The following CEP70 variants were observed in gnomAD, a reference collection of about 807,000 sequenced individuals.
The protein encoded by CEP70 is centrosomal protein 70, also known as centrosomal protein of 70 kDa.
In CEP70, 70 loss-of-function variants were observed where a neutral mutation model predicts 90.9. The ratio of observed to expected loss-of-function variants is 0.77; its 90% CI spans 0.64 to 0.94. The LOEUF (loss-of-function observed/expected upper bound fraction) is 0.94. Ranked by LOEUF, CEP70 falls within the 40% of genes least tolerant of loss-of-function variation. CEP70 has a pLI of 0.00. For missense variants in CEP70, 648 were observed against 669.0 expected, an observed-to-expected ratio of 0.97 and a Z score of 0.35; for synonymous variants, 220 against 228.3, an observed-to-expected ratio of 0.96 and a Z score of 0.33.
At chr3:138,592,441 A>G (rs1016649066) in intron 1 of CEP70, among the ~76,000 whole-genome samples, 2 of 152,174 alleles carry the variant, frequency 1.3e-5, no homozygotes, top group Non-Finnish European at 2.9e-5. Context: ...GTGACAGGAC[A>G]AAGGTCTGGA....
chr3:138,577,127 T>C (rs980003581), intron 2 of CEP70, among the ~76,000 whole-genome samples: 2 of 151,816 alleles, frequency 1.3e-5, no homozygotes, highest in Non-Finnish European at 2.9e-5. Context: ...TTCTCACTCA[T>C]AGGTGGGAAC....
intron 12 of CEP70, among the ~76,000 whole-genome samples, chr3:138,506,857 T>G (rs974123155): frequency 2.6e-5 from 4 of 152,120 alleles, no homozygotes; most frequent in African/African-American, 7.2e-5. Flanking sequence ...TCTTCCCATG[T>G]CAACCTCTCA....
At chr3:138,515,771 G>A (rs2108757038) in intron 11 of CEP70, among the ~76,000 whole-genome samples, 1 of 152,276 alleles carries the variant, frequency 6.6e-6, no homozygotes, top group East Asian at 1.9e-4. Context: ...ACGTGTGTGT[G>A]TGCATGTTAT....
At chr3:138,564,547 G>C (rs888404123) in intron 6 of CEP70, among the ~76,000 whole-genome samples, 1 of 152,160 alleles carries the variant, frequency 6.6e-6, no homozygotes, top group Non-Finnish European at 1.5e-5. Context: ...TTTGACACAT[G>C]CAAATCAATA....
At chr3:138,543,979 A>C (rs1003668635) in intron 6 of CEP70, among the ~76,000 whole-genome samples, 1 of 150,934 alleles carries the variant, frequency 6.6e-6, no homozygotes, top group South Asian at 2.1e-4. Flanking sequence ...TTTGTGATCA[A>C]GGCAAGATAT....
intron 2 of CEP70, among the ~76,000 whole-genome samples, chr3:138,575,734 C>T (rs1433952032): frequency 6.6e-6 from 1 of 152,210 alleles, no homozygotes; most frequent in East Asian, 1.9e-4. Context: ...GGAAGCCCAT[C>T]AGACTAACAG....
rs377226993 is a variant in CEP70, at chr3:138,515,059, CAAG to C, written c.945-6518_945-6516del. Among the ~76,000 whole-genome samples the C allele has an allele frequency of 5.2e-3, 788 of 151,998 alleles. 5 individuals are homozygous for C. Among genetic ancestry groups the C allele is most frequent in the African/African-American group, 0.017 (695 of 41,476 alleles). ...AGACCGGAGCCCAAATAAACAACAACAAGAACAATATATATATGCAATCAATTC... is the reference window on the plus strand; with the variant it reads ...AGACCGGAGCCCAAATAAACAACAACAACAATATATATATGCAATCAATTC... On this transcript the variant is annotated intron_variant, in intron 11 of 17. Coordinates refer to ENST00000264982, the MANE Select transcript of CEP70 (RefSeq NM_024491.4).
At chr3:138,527,673 C>T (rs960454975) in intron 10 of CEP70, among the ~76,000 whole-genome samples, 22 of 140,160 alleles carry the variant, frequency 1.6e-4, no homozygotes, top group Non-Finnish European at 2.9e-4. Context: ...CCAGCCTGGG[C>T]GACAGAGCAA....
intron 2 of CEP70, 87 bp downstream of exon 2, chr3:138,591,767 T>C: frequency 9.5e-7 from 1 of 1,057,078 alleles, no homozygotes; most frequent in Non-Finnish European, 1.4e-6. Context: ...GAAATATATG[T>C]AATGAACCTA....
chr3:138,571,430 T>C (rs757975792), intron 3 of CEP70, 74 bp from the exon 4 acceptor site: 3 of 1,032,546 alleles, frequency 2.9e-6, no homozygotes, highest in Non-Finnish European at 2.9e-6. Flanking sequence ...TATAATTTCC[T>C]GCATTTTCAG....
At chr3:138,555,282 G>A (rs2039926800) in intron 6 of CEP70, among the ~76,000 whole-genome samples, 1 of 148,784 alleles carries the variant, frequency 6.7e-6, no homozygotes, top group African/African-American at 2.5e-5. Flanking sequence ...GATGGATCAA[G>A]GACTTAAATG....
chr3:138,527,010 A>T (rs2108824819), intron 10 of CEP70, among the ~76,000 whole-genome samples: 1 of 101,148 alleles, frequency 9.9e-6, no homozygotes, highest in Non-Finnish European at 1.9e-5. Flanking sequence ...AAGACGATAG[A>T]CAAAAAAAGA....
chr3:138,539,296 G>A (rs758614584), intron 6 of CEP70, among the ~76,000 whole-genome samples: 83 of 152,268 alleles, frequency 5.5e-4, no homozygotes, highest in Admixed American at 3.1e-3. Context: ...TTACAGGTGT[G>A]AGCCACCATG....
chr3:138,569,643 G>A lies in CEP70; in HGVS notation c.465+675C>T, dbSNP rs752310589. 3.9e-5 allele frequency among the ~76,000 whole-genome samples: 6 copies of A among 152,142 alleles called. 1 individual carries two copies. In the South Asian group the frequency reaches 6.2e-4, roughly 16 times the overall value. The stretch of plus-strand genomic sequence containing the variant: ...AGCACTTTGGGAGGCCGAGGCAGGC[G>A]GATCACTTGAGCTCAGGAGTTTGAG... On this transcript the variant is annotated intron_variant, in intron 6 of 17. Coordinates refer to ENST00000264982, the MANE Select transcript of CEP70 (RefSeq NM_024491.4).
chr3:138,577,556 G>A (rs1411130464), intron 2 of CEP70, among the ~76,000 whole-genome samples: 1 of 152,142 alleles, frequency 6.6e-6, no homozygotes, highest in African/African-American at 2.4e-5. Flanking sequence ...GCTGAGACAG[G>A]AGAATCACTT....
At chr3:138,574,128 C>T (rs1198366055) in intron 2 of CEP70, among the ~76,000 whole-genome samples, 1 of 152,146 alleles carries the variant, frequency 6.6e-6, no homozygotes, top group African/African-American at 2.4e-5. Context: ...CGAGCCGAAG[C>T]AGGGTGGGGC....
chr3:138,553,222 G>C (rs1285534657), intron 6 of CEP70, among the ~76,000 whole-genome samples: 2 of 152,100 alleles, frequency 1.3e-5, no homozygotes, highest in Non-Finnish European at 2.9e-5. Flanking sequence ...GCTCACGCCT[G>C]TAATCCTAGC....
At chr3:138,530,884 A>T (rs917100826) in intron 8 of CEP70, 2 of 981,014 alleles carry the variant, frequency 2.0e-6, no homozygotes, top group Non-Finnish European at 2.4e-6. Flanking sequence ...CTTAGAAAGG[A>T]GACTGAGTTT....
chr3:138,520,645 G>A (rs916536958), intron 11 of CEP70, among the ~76,000 whole-genome samples: 1 of 152,194 alleles, frequency 6.6e-6, no homozygotes, highest in Admixed American at 6.5e-5. Flanking sequence ...TGAGAACAAA[G>A]ACACAATATA....
Sources: gnomAD v4.1 joint callset for allele counts (sites outside exome capture counted in the v4.1 genomes callset) on GRCh38, gnomAD v4.1.1 for gene constraint, MANE v1.5 for transcripts, NCBI Gene and HGNC (gene_info 2026-07-23, HGNC 2026-07-21) for gene names.